The following FANCC variants were observed in gnomAD, a reference collection of about 807,000 sequenced individuals.
The protein encoded by FANCC is Fanconi anemia group C protein.
FANCC carries 55 observed loss-of-function variants against 71.3 expected under a neutral mutation model. The ratio of observed to expected loss-of-function variants is 0.77; its 90% confidence interval spans 0.62 to 0.97. FANCC has a LOEUF of 0.97. Ranked by LOEUF, FANCC falls within the 50% of genes least tolerant of loss-of-function variation. The probability of loss-of-function intolerance (pLI) is 0.00; values close to 1 mark genes in which losing one functional copy is unlikely to be tolerated. For missense variants in FANCC, 678 were observed against 670.9 expected (o/e 1.01, Z -0.12); for synonymous variants, 275 against 244.9 (o/e 1.12, Z -1.15).
At chr9:95,120,084 G>C (rs2072753243) in intron 10 of FANCC, among the ~76,000 whole-genome samples, 3 of 151,726 alleles carry the variant, frequency 2.0e-5, no homozygotes, top group Non-Finnish European at 2.9e-5. Context: ...AGAAATCTTA[G>C]ATCACCTCAG....
chr9:95,236,373 T>C (rs1015582353), intron 4 of FANCC, among the ~76,000 whole-genome samples: 18 of 152,160 alleles, frequency 1.2e-4, no homozygotes, highest in African/African-American at 4.3e-4. Flanking sequence ...GTTCAGTGGA[T>C]TTACCAGTAA....
intron 3 of FANCC, among the ~76,000 whole-genome samples, chr9:95,247,083 T>C (rs1471924835): frequency 6.6e-6 from 1 of 152,244 alleles, no homozygotes; most frequent in Non-Finnish European, 1.5e-5. Context: ...ATAGCCATTT[T>C]ATATTGAATT....
intron 13 of FANCC, chr9:95,107,640 C>A (rs1226514876): frequency 2.5e-6 from 1 of 394,568 alleles, no homozygotes; most frequent in Non-Finnish European, 4.8e-6. Context: ...CAATTAAAGC[C>A]CCACGCAGTC....
chr9:95,105,212 G>T (rs2071352726), intron 14 of FANCC, among the ~76,000 whole-genome samples: 2 of 152,182 alleles, frequency 1.3e-5, no homozygotes, highest in South Asian at 4.1e-4. Flanking sequence ...GTCCTACCAG[G>T]ATGGAGACAA....
At chr9:95,211,210 C>T (rs1276543940) in intron 4 of FANCC, among the ~76,000 whole-genome samples, 1 of 152,216 alleles carries the variant, frequency 6.6e-6, no homozygotes, top group Non-Finnish European at 1.5e-5. Context: ...TGCCTGGGTG[C>T]ACTTTCTGAA....
intron 1 of FANCC, among the ~76,000 whole-genome samples, chr9:95,251,591 C>G (rs1161792774): frequency 6.6e-6 from 1 of 152,166 alleles, no homozygotes; most frequent in Non-Finnish European, 1.5e-5. Context: ...GCTGGGATTA[C>G]AGGCATGAGC....
At chr9:95,293,880 T>C (rs1266380003) in intron 1 of FANCC, 30 of 1,605,984 alleles carry the variant, frequency 1.9e-5, no homozygotes, top group Non-Finnish European at 2.6e-5. Flanking sequence ...AGCTGGAATG[T>C]GCAGAGACAT....
intron 1 of FANCC, among the ~76,000 whole-genome samples, chr9:95,279,902 C>T (rs1389737763): frequency 7.3e-6 from 1 of 137,756 alleles, no homozygotes; most frequent in East Asian, 2.3e-4. Context: ...GAGCAGAGAT[C>T]GTGCCATTGC....
At chr9:95,311,662 C>A (rs1835410243) in intron 1 of FANCC, among the ~76,000 whole-genome samples, 1 of 151,846 alleles carries the variant, frequency 6.6e-6, no homozygotes, top group African/African-American at 2.4e-5. Flanking sequence ...AGGTGCACAG[C>A]ACTGCACCCA....
At chr9:95,240,616 C>A (rs754157115) in intron 4 of FANCC, 33 bp downstream of exon 4, 14 of 1,494,922 alleles carry the variant, frequency 9.4e-6, no homozygotes, top group Non-Finnish European at 1.2e-5. Context: ...CAATTTAATT[C>A]AAAGAAGTGC....
At chr9:95,186,595 A>G (rs1826728447) in intron 4 of FANCC, 1 of 152,264 alleles carries the variant, frequency 6.6e-6, no homozygotes, top group Non-Finnish European at 1.5e-5. Context: ...TCCAGGAGTT[A>G]CTGTCATGTG....
At chr9:95,195,433 T>C (rs1045886295) in intron 4 of FANCC, among the ~76,000 whole-genome samples, 3 of 152,178 alleles carry the variant, frequency 2.0e-5, no homozygotes, top group Non-Finnish European at 4.4e-5. Flanking sequence ...CTTATTTGTG[T>C]GGGTCTATTT....
chr9:95,244,474 T>C (rs1830822586), intron 3 of FANCC, among the ~76,000 whole-genome samples: 1 of 151,744 alleles, frequency 6.6e-6, no homozygotes, highest in African/African-American at 2.4e-5. Context: ...GGTCAGGAGA[T>C]TGAGACCATC....
Position 95,294,895 on chromosome 9 carries a change from C to T in FANCC, c.-79+22631G>A. 5 of 1,244,334 alleles carry T rather than the reference C, an allele frequency of 4.0e-6. No individual in the cohort carries two copies. In the South Asian group the frequency reaches 7.9e-5, roughly 20 times the overall value. 77.1% of individuals were successfully genotyped at this position (1,244,334 alleles called of 1,614,324 possible). A position where few individuals can be genotyped will look rare whatever the true frequency, so the allele number is the denominator to read the frequency against. ...CGGACGGGGGACAACAGTATTAATT[C>T]GATTGAATGTGGCTGATGATGCAGT... On this transcript the variant is annotated intron_variant, in intron 1 of 14. Transcript: ENST00000289081.
intron 1 of FANCC, among the ~76,000 whole-genome samples, chr9:95,308,511 C>G (rs1413124858): frequency 1.3e-5 from 2 of 151,942 alleles, no homozygotes; most frequent in Non-Finnish European, 2.9e-5. Context: ...GAGTCGAACT[C>G]CTGACCTCAA....
intron 1 of FANCC, among the ~76,000 whole-genome samples, chr9:95,272,591 G>A (rs913737076): frequency 6.6e-6 from 1 of 152,086 alleles, no homozygotes; most frequent in African/African-American, 2.4e-5. Flanking sequence ...CAGCTACTCG[G>A]GAGGCTGTGG....
rs148244017 is a variant in FANCC, at chr9:95,182,475, G to A, written c.346-10328C>T. On this transcript the variant is annotated intron_variant, in intron 4 of 14. Coordinates refer to ENST00000289081, the MANE Select transcript of FANCC (RefSeq NM_000136.3). The stretch of plus-strand genomic sequence containing the variant: ...GCGGAGCTTGCAGTTAGCCAAGATC[G>A]CGCTACTGCACTCCAGCCTGGGAGA... Among the ~76,000 whole-genome samples, 437 of 152,290 alleles carry A rather than the reference G, an allele frequency of 2.9e-3. 9 individuals are homozygous for A. In the South Asian group the frequency reaches 0.042, roughly 15 times the overall value.
intron 7 of FANCC, among the ~76,000 whole-genome samples, chr9:95,140,492 A>AAAAC (rs1292861896): frequency 7.2e-5 from 11 of 152,148 alleles, no homozygotes; most frequent in African/African-American, 1.7e-4. Context: ...AAAACAAAAC[A>AAAAC]AAACAAAACC....
At chr9:95,284,897 C>T (rs911381854) in intron 1 of FANCC, among the ~76,000 whole-genome samples, 1 of 151,432 alleles carries the variant, frequency 6.6e-6, no homozygotes, top group African/African-American at 2.4e-5. Context: ...CACACACACA[C>T]ACACACAAAC....
Sources: allele counts gnomAD v4.1 joint callset (sites outside exome capture counted in the v4.1 genomes callset), GRCh38; gene constraint gnomAD v4.1.1; transcripts MANE v1.5; gene names NCBI Gene and HGNC (gene_info 2026-07-23, HGNC 2026-07-21).